Variants in NCOR2 observed in about 807,000 individuals in gnomAD.
NCOR2 encodes the protein CTG repeat protein 26.
NCOR2 carries 81 observed loss-of-function variants against 262.9 expected under a neutral mutation model. The observed-to-expected ratio is 0.31, with a 90% confidence interval of 0.26 to 0.37. The LOEUF (loss-of-function observed/expected upper bound fraction) is 0.37, where lower values mean the gene tolerates loss of function less well. NCOR2 is among the 10% of genes least tolerant of loss of function. The probability of loss-of-function intolerance (pLI) is 1.00; values close to 1 mark genes in which losing one functional copy is unlikely to be tolerated. For missense variants in NCOR2, 3,385 were observed against 3,621.4 expected (o/e 0.93, Z 1.68); for synonymous variants, 1,659 against 1,559.3 (o/e 1.06, Z -1.51).
intron 13 of NCOR2, among the ~76,000 whole-genome samples, chr12:124,417,150 G>A (rs531097791): frequency 1.0e-4 from 15 of 150,424 alleles, no homozygotes; most frequent in Admixed American, 2.0e-4. Context: ...CTCACTCCAC[G>A]GAGAGCAGGC....
chr12:124,416,974 G>T (rs1027521502), intron 13 of NCOR2, among the ~76,000 whole-genome samples: 1 of 152,234 alleles, frequency 6.6e-6, no homozygotes. Flanking sequence ...CACAATAAAT[G>T]CTCAATCAAT....
chr12:124,500,188 G>A (rs577446901), upstream of NCOR2, among the ~76,000 whole-genome samples: 35 of 152,198 alleles, frequency 2.3e-4, no homozygotes, highest in Middle Eastern at 3.4e-3. Flanking sequence ...GACACCAAGG[G>A]CCCAAGCAGG....
intron 1 of NCOR2, among the ~76,000 whole-genome samples, chr12:124,542,083 G>A (rs1195260873): frequency 6.6e-6 from 1 of 151,790 alleles, no homozygotes; most frequent in East Asian, 1.9e-4. Flanking sequence ...TGGAGGCATC[G>A]ACCTCTTGCC....
At chr12:124,475,464 C>T (rs1417468827) in intron 3 of NCOR2, among the ~76,000 whole-genome samples, 3 of 152,182 alleles carry the variant, frequency 2.0e-5, no homozygotes, top group East Asian at 1.9e-4. Flanking sequence ...TGCCAGAGGC[C>T]GGCACTTTCC....
rs927379530 is a variant in NCOR2 at position 124,335,457 on chromosome 12, G to A, written c.6265+26C>T. Reference sequence around the variant, plus strand: ...GGGTCCTCACTGTGCAGGGCTTCGGGGGCCTGGGTACTGGGTGGGGCGTAC... The same window carrying A: ...GGGTCCTCACTGTGCAGGGCTTCGGAGGCCTGGGTACTGGGTGGGGCGTAC... On this transcript the variant is annotated intron_variant, in intron 39 of 46. Transcript: ENST00000405201. 7.5e-6 allele frequency: 12 copies of A among 1,594,388 alleles called. No individual in the cohort carries two copies. In the Admixed American group the frequency reaches 1.7e-4, roughly 22 times the overall value.
intron 17 of NCOR2, among the ~76,000 whole-genome samples, chr12:124,380,527 C>A (rs1032425105): frequency 6.6e-6 from 1 of 152,238 alleles, no homozygotes; most frequent in Non-Finnish European, 1.5e-5. Flanking sequence ...TCCTGAGCCT[C>A]TCCCAGGAGA....
At chr12:124,441,819 G>A (rs562570373) in intron 7 of NCOR2, among the ~76,000 whole-genome samples, 11 of 152,320 alleles carry the variant, frequency 7.2e-5, no homozygotes, top group South Asian at 2.1e-4. Flanking sequence ...CCTATCATGT[G>A]GGCATCACGC....
chr12:124,446,855 A>G (rs1020182836), intron 7 of NCOR2, among the ~76,000 whole-genome samples: 2 of 152,244 alleles, frequency 1.3e-5, no homozygotes, highest in Non-Finnish European at 2.9e-5. Context: ...TTCTAACAGA[A>G]GTTGACTACT....
intron 16 of NCOR2, among the ~76,000 whole-genome samples, chr12:124,393,954 T>C (rs935173770): frequency 5.9e-5 from 9 of 152,258 alleles, no homozygotes; most frequent in Non-Finnish European, 1.3e-4. Flanking sequence ...CTCTGACTGG[T>C]GGCCCCCAGC....
intron 18 of NCOR2, 139 bp from the exon 21 acceptor site, chr12:124,374,602 G>T: frequency 6.2e-6 from 5 of 811,464 alleles, no homozygotes; most frequent in Non-Finnish European, 1.0e-5. Context: ...CTCCTGCCCC[G>T]ACTGCCCTTC....
chr12:124,378,406 G>A lies in NCOR2; in HGVS notation c.2020-22C>T, dbSNP rs1481874812. ...TCTCCTGGGGCACAGGGAAGCAGCA[G>A]ATCAGGACTGGGGCCTGGGCTGTCA... On this transcript the variant is annotated intron_variant, in intron 17 of 46. Transcript: ENST00000405201. This position sits in a 1 kb window ranked among gnomAD's most constrained non-coding sequence, Gnocchi z 4.2. The A allele has an allele frequency of 6.2e-7, 1 of 1,602,178 alleles. No homozygotes were observed. The highest frequency in any genetic ancestry group is 8.5e-7 in the Non-Finnish European group (1 of 1,175,862).
intron 45 of NCOR2, 102 bp from the exon 48 acceptor site, chr12:124,326,472 T>C (rs988532196): frequency 1.9e-5 from 22 of 1,159,302 alleles, no homozygotes; most frequent in Non-Finnish European, 2.5e-5. Flanking sequence ...CCATGGGCCC[T>C]CCAAAGAGGG....
Position 124,517,814 on chromosome 12 carries a change from G to A in NCOR2, c.-118+17751C>T, listed in dbSNP as rs901263519. Among the ~76,000 whole-genome samples the A allele has an allele frequency of 2.6e-5, 4 of 152,166 alleles. No homozygotes were observed. Among genetic ancestry groups the A allele is most frequent in the South Asian group, 2.1e-4 (1 of 4,828 alleles). On this transcript the variant is annotated intron_variant, in intron 1 of 46. Coordinates refer to the NCOR2 transcript ENST00000404621. The surrounding 1 kb of genome is among the most constrained non-coding windows in gnomAD (Gnocchi z 7.6). The stretch of plus-strand genomic sequence containing the variant: ...CCAGCGCCTCCGAGCGCTCTTTTCC[G>A]TGACTGCAGCAACTTCGTCCGATGA...
rs1037679986 is a variant in NCOR2, at chr12:124,425,706, C to T, written c.1328+916G>A. On this transcript the variant is annotated intron_variant, in intron 11 of 46. Transcript: ENST00000405201. Reference sequence around the variant, plus strand: ...ACAGCTTTTGAGAGAACTCGACTCCCGTCTCTGCTCTGCACAGCCCCCCTC... The same window carrying T: ...ACAGCTTTTGAGAGAACTCGACTCCTGTCTCTGCTCTGCACAGCCCCCCTC... Among the ~76,000 whole-genome samples the T allele has an allele frequency of 8.5e-5, 13 of 152,168 alleles. No individual in the cohort carries two copies. The South Asian group carries it at 1.5e-3, about 17-fold the overall frequency.
intron 7 of NCOR2, among the ~76,000 whole-genome samples, chr12:124,445,146 C>T (rs1565950359): frequency 6.6e-6 from 1 of 152,206 alleles, no homozygotes; most frequent in Admixed American, 6.5e-5. Context: ...GCCGGTGAAC[C>T]AGGGCAACCC....
At position 124,432,478 on chromosome 12, in the gene NCOR2, C is replaced by T. The variant is rs1484210522; in HGVS notation, c.883-1691G>A. On this transcript the variant is annotated intron_variant, in intron 8 of 46. Transcript: ENST00000405201. The surrounding 1 kb of genome is among the most constrained non-coding windows in gnomAD (Gnocchi z 5.1). ...TTTAAGAGTCGGGCTCTAGTTCTCCCCAGCCATGCTTCCAGTGTCCAGCAG... is the reference window on the plus strand; with the variant it reads ...TTTAAGAGTCGGGCTCTAGTTCTCCTCAGCCATGCTTCCAGTGTCCAGCAG... Among the ~76,000 whole-genome samples, 5 of 152,280 alleles carry T rather than the reference C, an allele frequency of 3.3e-5. No homozygotes were observed. Among genetic ancestry groups the T allele is most frequent in the African/African-American group, 1.2e-4 (5 of 41,556 alleles).
At chr12:124,325,377 G>GGCCCCCCCCC in exon 47 of NCOR2, 1 of 246,784 alleles carries the variant, frequency 4.1e-6, no homozygotes, top group Non-Finnish European at 6.6e-6. Flanking sequence ...ACCTGACACC[G>GGCCCCCCCCC]CCCCCCCCCC....
At chr12:124,558,078 C>T (rs938970867) in intron 1 of NCOR2, among the ~76,000 whole-genome samples, 8 of 152,176 alleles carry the variant, frequency 5.3e-5, no homozygotes, top group Admixed American at 2.0e-4. Flanking sequence ...CCATGGTCAC[C>T]GAGACACTAT....
intron 38 of NCOR2, 165 bp downstream of exon 40, chr12:124,336,588 G>A: frequency 1.0e-6 from 1 of 982,320 alleles, no homozygotes; most frequent in Non-Finnish European, 1.2e-6. Flanking sequence ...GCAGAGATCT[G>A]AAAATATCTT....
Sources: allele counts gnomAD v4.1 joint callset (sites outside exome capture counted in the v4.1 genomes callset), GRCh38; gene constraint gnomAD v4.1.1; non-coding constraint Gnocchi (gnomAD v3.1); transcripts MANE v1.5; gene names NCBI Gene and HGNC (gene_info 2026-07-23, HGNC 2026-07-21).